EEF2K: variants seen among roughly 807,000 people sequenced by gnomAD.
EEF2K encodes the protein alternative protein EEF2K.
A neutral mutation model predicts 93.8 loss-of-function variants in EEF2K; 70 were observed. The observed-to-expected ratio is 0.75, with a 90% confidence interval of 0.62 to 0.91. EEF2K has a LOEUF of 0.91. Among genes scored for constraint, EEF2K ranks in the 40% least tolerant of loss-of-function variants. The pLI is 0.00. For synonymous variants in EEF2K, 376 were observed against 380.8 expected, an observed-to-expected ratio of 0.99 and a Z score of 0.15; for missense variants, 935 against 972.9, an observed-to-expected ratio of 0.96 and a Z score of 0.52.
chr16:22,262,540 T>C (rs765193406), intron 11 of EEF2K, among the ~76,000 whole-genome samples: 12 of 152,126 alleles, frequency 7.9e-5, no homozygotes, highest in Non-Finnish European at 1.5e-4. Context: ...TGGTTTTGGT[T>C]GAGGGCTTAT....
chr16:22,280,450 G>T (rs1379295798), intron 17 of EEF2K, 74 bp downstream of exon 17: 3 of 1,334,330 alleles, frequency 2.2e-6, no homozygotes, highest in Non-Finnish European at 2.9e-6. Flanking sequence ...ATTCCACTGG[G>T]AGTTATTTAT....
chr16:22,226,517 C>T (rs11859616), intron 2 of EEF2K, among the ~76,000 whole-genome samples: 59 of 106,842 alleles, frequency 5.5e-4, no homozygotes, highest in African/African-American at 2.0e-3. Context: ...CCTTCTTCTT[C>T]TTTTTTTTTT....
chr16:22,217,160 CAAAAAA>C (rs59262131), intron 1 of EEF2K, among the ~76,000 whole-genome samples: 28,520 of 76,562 alleles, frequency 0.37, 3,531 homozygotes, highest in East Asian at 0.59. Flanking sequence ...GACCCTGTCT[CAAAAAA>C]AAAAAAAAAA....
chr16:22,220,905 G>A (rs1352484916), intron 1 of EEF2K, among the ~76,000 whole-genome samples: 2 of 152,204 alleles, frequency 1.3e-5, no homozygotes, highest in Admixed American at 6.5e-5. Flanking sequence ...GGTCAGCAGG[G>A]ATTCTGGCCA....
At chr16:22,239,327 G>A (rs970970340) in intron 2 of EEF2K, among the ~76,000 whole-genome samples, 2 of 152,082 alleles carry the variant, frequency 1.3e-5, no homozygotes, top group African/African-American at 2.4e-5. Flanking sequence ...ACGGAGTGGC[G>A]GAGTCGTTTG....
intron 4 of EEF2K, 33 bp downstream of exon 4, chr16:22,248,848 G>A: frequency 6.2e-7 from 1 of 1,606,262 alleles, no homozygotes; most frequent in Non-Finnish European, 8.5e-7. Context: ...TGGGGACAGG[G>A]CTGAGCAAAG....
At position 22,225,852 on chromosome 16, in the gene EEF2K, C is replaced by T; in HGVS notation, c.123C>T (p.Pro41=). The T allele has an allele frequency of 1.2e-6, 2 of 1,614,244 alleles. No individual in the cohort carries two copies. Among genetic ancestry groups the T allele is most frequent in the Non-Finnish European group, 1.7e-6 (2 of 1,180,044 alleles). The stretch of plus-strand genomic sequence containing the variant: ...ATGAGGAAGGTTACTTCATCTGCCC[C>T]ATCACGGATGACCCAAGCTCGAACC... ...SDDEEGYFIC[P]ITDDPSSNQN... The change falls in exon 2 of 18, where the codon CCC becomes CCT. Residue 41 remains proline (P), a synonymous_variant. Coordinates refer to ENST00000263026, the MANE Select transcript of EEF2K (RefSeq NM_013302.5).
chr16:22,282,450 C>T lies in EEF2K; in HGVS notation c.2069-1437C>T, dbSNP rs147104786. Among the ~76,000 whole-genome samples the T allele has an allele frequency of 4.8e-3, 738 of 152,322 alleles. 4 individuals are homozygous for T. Among genetic ancestry groups the T allele is most frequent in the African/African-American group, 0.016 (660 of 41,570 alleles). ...TCATTTAAGCTTTATCACCTCCTCA[C>T]AGGCTGCTAGAATATGAACGTCCCC... On this transcript the variant is annotated intron_variant, in intron 17 of 17. Coordinates refer to ENST00000263026, the MANE Select transcript of EEF2K (RefSeq NM_013302.5).
intron 15 of EEF2K, among the ~76,000 whole-genome samples, chr16:22,271,837 A>G (rs1312901202): frequency 2.0e-5 from 3 of 152,212 alleles, no homozygotes. Flanking sequence ...TAGCCAACCT[A>G]TGGTTGCAAT....
Position 22,282,315 on chromosome 16 carries a change from A to G in EEF2K, c.2069-1572A>G, listed in dbSNP as rs141760115. Among the ~76,000 whole-genome samples, 101 of 152,326 alleles carry G rather than the reference A, an allele frequency of 6.6e-4. 1 individual carries two copies. Among genetic ancestry groups the G allele is most frequent in the Non-Finnish European group, 4.1e-4 (28 of 68,034 alleles). ...AACAGCTTTCTCACTGTGTCCTCAC[A>G]TGACCTTTCTCCTGGATGCAAGTGG... On this transcript the variant is annotated intron_variant, in intron 17 of 17. Coordinates refer to ENST00000263026, the MANE Select transcript of EEF2K (RefSeq NM_013302.5).
chr16:22,222,085 A>G (rs1352602873), intron 1 of EEF2K, among the ~76,000 whole-genome samples: 1 of 152,218 alleles, frequency 6.6e-6, no homozygotes, highest in Non-Finnish European at 1.5e-5. Flanking sequence ...AAATTAAAAA[A>G]TTAAAAATAA....
chr16:22,260,209 T>C (rs996910263), intron 10 of EEF2K, among the ~76,000 whole-genome samples: 1 of 152,184 alleles, frequency 6.6e-6, no homozygotes, highest in Non-Finnish European at 1.5e-5. Context: ...GTGACAACCC[T>C]GAGGACACAC....
At chr16:22,214,812 G>T (rs1199889388) in intron 1 of EEF2K, among the ~76,000 whole-genome samples, 1 of 152,196 alleles carries the variant, frequency 6.6e-6, no homozygotes, top group Non-Finnish European at 1.5e-5. Flanking sequence ...GGTGGAGGGT[G>T]TCCAGGTTCT....
intron 2 of EEF2K, among the ~76,000 whole-genome samples, chr16:22,229,651 A>C (rs1331462398): frequency 6.6e-6 from 1 of 152,180 alleles, no homozygotes; most frequent in African/African-American, 2.4e-5. Context: ...CAGTGAGCCA[A>C]GATTGTGCCA....
chr16:22,228,927 A>G (rs1009840989), intron 2 of EEF2K, among the ~76,000 whole-genome samples: 3 of 152,146 alleles, frequency 2.0e-5, no homozygotes, highest in Non-Finnish European at 2.9e-5. Flanking sequence ...TAAATAACCT[A>G]TACTTAATGT....
intron 2 of EEF2K, among the ~76,000 whole-genome samples, chr16:22,227,286 G>A (rs1210397501): frequency 2.0e-5 from 3 of 149,514 alleles, no homozygotes; most frequent in Non-Finnish European, 4.5e-5. Flanking sequence ...TACAGTGGTG[G>A]GATCTCGGCT....
intron 2 of EEF2K, among the ~76,000 whole-genome samples, chr16:22,231,958 C>G (rs2047119540): frequency 6.8e-6 from 1 of 146,382 alleles, no homozygotes; most frequent in Non-Finnish European, 1.5e-5. Context: ...CCATTGCACT[C>G]CAGCCTGGGC....
chr16:22,283,083 C>T (rs942863749), intron 17 of EEF2K, among the ~76,000 whole-genome samples: 1 of 152,030 alleles, frequency 6.6e-6, no homozygotes, highest in African/African-American at 2.4e-5. Context: ...CCAAGGCAGG[C>T]AGATCACCTG....
At chr16:22,211,585 A>T (rs1363176333) in intron 1 of EEF2K, among the ~76,000 whole-genome samples, 1 of 151,928 alleles carries the variant, frequency 6.6e-6, no homozygotes, top group African/African-American at 2.4e-5. Context: ...TCAGCCTCTC[A>T]AGTAGCTGGG....
Sources: gnomAD v4.1 joint callset for allele counts (sites outside exome capture counted in the v4.1 genomes callset) on GRCh38, gnomAD v4.1.1 for gene constraint, MANE v1.5 for transcripts, NCBI Gene and HGNC (gene_info 2026-07-23, HGNC 2026-07-21) for gene names.